TOM1L2: variants seen among roughly 807,000 people sequenced by gnomAD.
TOM1L2 encodes TOM1-like protein 2.
A neutral mutation model predicts 67.9 loss-of-function variants in TOM1L2; 31 were observed. That is an observed-to-expected ratio of 0.46 (90% CI 0.34 to 0.62). TOM1L2 has a LOEUF of 0.62. TOM1L2 is among the 20% of genes least tolerant of loss of function. The pLI is 0.01. For synonymous variants in TOM1L2, 256 were observed against 254.0 expected (o/e 1.01, Z -0.07); for missense variants, 606 against 663.5 (o/e 0.91, Z 0.95).
intron 1 of TOM1L2, among the ~76,000 whole-genome samples, chr17:17,916,432 G>C (rs994812820): frequency 1.3e-5 from 2 of 152,006 alleles, no homozygotes; most frequent in African/African-American, 2.4e-5. Context: ...GGTCTGTTTG[G>C]GGTTCATTTT....
chr17:17,940,961 C>A (rs2040710345), intron 1 of TOM1L2, among the ~76,000 whole-genome samples: 1 of 152,180 alleles, frequency 6.6e-6, no homozygotes, highest in African/African-American at 2.4e-5. Flanking sequence ...GCAAATCATA[C>A]TTGTAAGATT....
intron 13 of TOM1L2, chr17:17,849,063 A>C: frequency 3.6e-6 from 2 of 560,178 alleles, no homozygotes; most frequent in Non-Finnish European, 6.3e-6. Context: ...GTTTTTAAAA[A>C]ACAAAAGCAA....
At chr17:17,883,858 T>C (rs555924873) in intron 5 of TOM1L2, among the ~76,000 whole-genome samples, 1 of 152,274 alleles carries the variant, frequency 6.6e-6, no homozygotes, top group East Asian at 1.9e-4. Context: ...TTCTCAGAGA[T>C]GGGCAGTGGG....
At chr17:17,852,856 ACT>A (rs1345735804) in intron 12 of TOM1L2, among the ~76,000 whole-genome samples, 2 of 142,144 alleles carry the variant, frequency 1.4e-5, no homozygotes, top group African/African-American at 5.6e-5. Flanking sequence ...CAAGACTGAA[ACT>A]CTGTCTAAAA....
chr17:17,927,976 C>T (rs1317166369), intron 1 of TOM1L2, among the ~76,000 whole-genome samples: 1 of 152,116 alleles, frequency 6.6e-6, no homozygotes, highest in East Asian at 1.9e-4. Context: ...CTTAGGTATT[C>T]ATAGATGAAA....
chr17:17,907,662 G>T, intron 1 of TOM1L2, 131 bp from the exon 2 acceptor site: 2 of 718,356 alleles, frequency 2.8e-6, no homozygotes, highest in East Asian at 2.8e-5. Context: ...AGCCATTCTA[G>T]GAGTGCTATT....
At chr17:17,961,200 G>T (rs1302549334) in intron 1 of TOM1L2, among the ~76,000 whole-genome samples, 89 of 151,968 alleles carry the variant, frequency 5.9e-4, no homozygotes, top group Admixed American at 5.8e-3. Flanking sequence ...TAATCATGAA[G>T]AAAATGCAAA....
intron 1 of TOM1L2, among the ~76,000 whole-genome samples, chr17:17,963,283 CAAAG>C (rs1260306049): frequency 1.3e-5 from 2 of 152,256 alleles, no homozygotes; most frequent in African/African-American, 2.4e-5. Context: ...TGGAAGAGAA[CAAAG>C]AGAGAGCAAT....
chr17:17,858,226 AT>A (rs10664045), intron 12 of TOM1L2: 1 of 156,836 alleles, frequency 6.4e-6, no homozygotes. Context: ...TTTTTCCTAC[AT>A]TTTTTTTTTC....
intron 1 of TOM1L2, among the ~76,000 whole-genome samples, chr17:17,941,779 T>A (rs2040744059): frequency 6.6e-6 from 1 of 152,228 alleles, no homozygotes; most frequent in Admixed American, 6.5e-5. Flanking sequence ...CTCGGCTGAC[T>A]GAAAAACAAA....
chr17:17,956,822 C>A (rs117688336), intron 1 of TOM1L2, among the ~76,000 whole-genome samples: 1 of 152,206 alleles, frequency 6.6e-6, no homozygotes, highest in African/African-American at 2.4e-5. Context: ...GCAAGCGCCA[C>A]GCGCAGCCCG....
intron 2 of TOM1L2, among the ~76,000 whole-genome samples, chr17:17,906,591 A>G (rs1409176690): frequency 6.6e-6 from 1 of 152,220 alleles, no homozygotes. Flanking sequence ...CCCAAGGGGA[A>G]GGAATCTATC....
intron 1 of TOM1L2, among the ~76,000 whole-genome samples, chr17:17,922,826 A>C (rs1413912012): frequency 2.0e-5 from 3 of 152,168 alleles, no homozygotes; most frequent in Non-Finnish European, 4.4e-5. Context: ...GCGGGGAAGC[A>C]GAAGGGGAGG....
intron 2 of TOM1L2, among the ~76,000 whole-genome samples, chr17:17,899,689 C>T (rs16960751): frequency 0.057 from 8,638 of 152,312 alleles, 689 homozygotes; most frequent in African/African-American, 0.18. Context: ...GGGGAGCCCT[C>T]AGTCCGGCTG....
At chr17:17,901,923 C>A (rs1247395515) in intron 2 of TOM1L2, among the ~76,000 whole-genome samples, 1 of 152,190 alleles carries the variant, frequency 6.6e-6, no homozygotes, top group Non-Finnish European at 1.5e-5. Flanking sequence ...CTGGCTCACG[C>A]CTGTAATCCC....
At chr17:17,922,731 A>G (rs554091579) in intron 1 of TOM1L2, among the ~76,000 whole-genome samples, 1 of 152,384 alleles carries the variant, frequency 6.6e-6, no homozygotes, top group Non-Finnish European at 1.5e-5. Flanking sequence ...GGGAACCTGG[A>G]ACATAGTGAG....
In TOM1L2 at chr17:17,847,714, A is replaced by T; in HGVS notation, c.1445T>A (p.Met482Lys). 1 of 1,613,926 alleles carries T rather than the reference A, an allele frequency of 6.2e-7. No homozygotes were observed. The highest frequency in any genetic ancestry group is 8.5e-7 in the Non-Finnish European group (1 of 1,179,996). The change falls in exon 15 of 15, where the codon ATG becomes AAG. Residue 482 changes from methionine to lysine, a missense_variant. This residue lies in a region of TOM1L2 where 543 missense variants were observed against 554.0 expected (regional missense o/e 0.98). Coordinates refer to ENST00000379504, the MANE Select transcript of TOM1L2 (RefSeq NM_001082968.2). The part of the protein sequence containing the change: ...EMVPDLPSPP[M>K]EAPAPASNPS... ...GTTTGAGGCTGGGGCAGGAGCCTCC[A>T]TGGGGGGCGAGGGGAGGTCGGGAAC...
At chr17:17,891,903 T>C (rs1303556234) in intron 4 of TOM1L2, among the ~76,000 whole-genome samples, 2 of 151,826 alleles carry the variant, frequency 1.3e-5, no homozygotes, top group Non-Finnish European at 2.9e-5. Flanking sequence ...GGGGAAGGCC[T>C]CCCAGAGTTC....
Position 17,844,298 on chromosome 17 carries a change from T to G in TOM1L2, c.*3337A>C, listed in dbSNP as rs973177748. The G allele has an allele frequency of 2.0e-5, 3 of 152,226 alleles. No individual in the cohort carries two copies. The highest frequency in any genetic ancestry group is 7.2e-5 in the African/African-American group (3 of 41,408). The allele number at this position is 152,226 out of a possible 1,614,324, so 9.4% of individuals were successfully genotyped here. On this transcript the variant is annotated 3_prime_UTR_variant, in exon 15 of 15. Transcript: ENST00000379504. ...AAGGAGGGGGGCAGGAGCGTGAGCA[T>G]CGGCAGCAGCTGCCCTGCGAGCATC...
Sources: allele counts gnomAD v4.1 joint callset (sites outside exome capture counted in the v4.1 genomes callset), GRCh38; gene constraint gnomAD v4.1.1; regional missense constraint gnomAD v4.1.1; transcripts MANE v1.5; gene names NCBI Gene and HGNC (gene_info 2026-07-23, HGNC 2026-07-21).